The following NUTM2D variants were observed in gnomAD, a reference collection of about 807,000 sequenced individuals.
NUTM2D encodes the protein NUT family member 2D.
In NUTM2D, 2 loss-of-function variants were observed where a neutral mutation model predicts 43.5. That is an observed-to-expected ratio of 0.05 (90% CI 0.02 to 0.14). The LOEUF (loss-of-function observed/expected upper bound fraction) is 0.14. Among genes scored for constraint, NUTM2D ranks in the 10% least tolerant of loss-of-function variants. The pLI is 1.00. For synonymous variants in NUTM2D, 24 were observed against 276.6 expected, an observed-to-expected ratio of 0.09 and a Z score of 9.06; for missense variants, 48 against 668.7, an observed-to-expected ratio of 0.07 and a Z score of 10.24.
intron 1 of NUTM2D, among the ~76,000 whole-genome samples, 183 bp downstream of exon 1, chr10:87,358,614 A>AG (rs1850240832): frequency 2.0e-5 from 3 of 148,878 alleles, no homozygotes; most frequent in Admixed American, 2.0e-4. Flanking sequence ...GTGTTTAGGG[A>AG]GGACGGCCCC....
rs1316857905 is a variant in NUTM2D at position 87,358,161 on chromosome 10, G to A, written c.-105G>A. On this transcript the variant is annotated 5_prime_UTR_variant, in exon 1 of 7. Coordinates refer to ENST00000381697, the MANE Select transcript of NUTM2D (RefSeq NM_001382304.1). ...CTCTGCTGCTGCCTTCCAGTTGGAA[G>A]GGAAACTCAGGTTCTTGCCTAATGG... The A allele has an allele frequency of 6.2e-7, 1 of 1,611,790 alleles. No homozygotes were observed. Among genetic ancestry groups the A allele is most frequent in the Non-Finnish European group, 8.5e-7 (1 of 1,179,770 alleles).
chr10:87,367,309 G>T (rs1850311111), downstream of NUTM2D: 5 of 1,609,290 alleles, frequency 3.1e-6, no homozygotes, highest in South Asian at 4.4e-5. Flanking sequence ...ACAGAGGCCG[G>T]CCCCACTCTT....
rs1486474774 is a variant in NUTM2D, at chr10:87,361,297, G to T, written c.866+117G>T. 2 of 370,972 alleles carry T rather than the reference G, an allele frequency of 5.4e-6. 1 individual carries two copies. The highest frequency in any genetic ancestry group is 9.3e-6 in the Non-Finnish European group (2 of 214,754). 23.0% of individuals were successfully genotyped at this position (370,972 alleles called of 1,614,324 possible). Reference sequence around the variant, plus strand: ...TGCAGGGCGGTTGTGAGGGTGATGGGCTGCACTATGGGAAGGTACATTTTC... The same window carrying T: ...TGCAGGGCGGTTGTGAGGGTGATGGTCTGCACTATGGGAAGGTACATTTTC... On this transcript the variant is annotated intron_variant, in intron 2 of 6. Coordinates refer to ENST00000381697, the MANE Select transcript of NUTM2D (RefSeq NM_001382304.1).
chr10:87,360,687 G>A lies in NUTM2D; in HGVS notation c.373G>A (p.Gly125Arg), dbSNP rs1850254686. The A allele has an allele frequency of 1.9e-6, 1 of 534,544 alleles. No individual in the cohort carries two copies. Among genetic ancestry groups the A allele is most frequent in the African/African-American group, 3.2e-5 (1 of 30,996 alleles). 33.1% of individuals were successfully genotyped at this position (534,544 alleles called of 1,614,324 possible). ...AGAACAGGATGGCTGCGGCCCGAGT[G>A]GGGCCGGGGCTTCCAACGTCTTTGT... is the stretch of plus-strand genomic sequence containing the variant. ...VTEQDGCGPS[G>R]AGASNVFVQM... The change falls in exon 2 of 7, where the codon GGG becomes AGG. Residue 125 changes from glycine (G) to arginine (R), a missense_variant. Coordinates refer to ENST00000381697, the MANE Select transcript of NUTM2D (RefSeq NM_001382304.1).
rs1850282312 is a variant in NUTM2D at position 87,365,152 on chromosome 10, C to T, written c.1467C>T (p.Gly489=). Residue 489 remains glycine, a synonymous_variant, in exon 5 of 7, where the codon GGC becomes GGT. Coordinates refer to ENST00000381697, the MANE Select transcript of NUTM2D (RefSeq NM_001382304.1). ...AGGACTGGACGCCCCCAGACCCGGG[C>T]CTCCTGAGCTACACTGACAAGCTGT... ...QEEDWTPPDP[G]LLSYTDKLCS... The T allele has an allele frequency of 8.0e-7, 1 of 1,256,454 alleles. No individual in the cohort carries two copies. The highest frequency in any genetic ancestry group is 1.6e-5 in the African/African-American group (1 of 61,342). 77.8% of individuals were successfully genotyped at this position (1,256,454 alleles called of 1,614,324 possible).
At chr10:87,370,439 G>A (rs372682349), downstream of NUTM2D, 5 of 152,122 alleles carry the variant, frequency 3.3e-5, no homozygotes, top group East Asian at 1.9e-4. Context: ...GGGTCCCAGC[G>A]TCTCTCCATA....
downstream of NUTM2D, chr10:87,369,563 G>A (rs1242440546): frequency 6.6e-6 from 1 of 152,074 alleles, no homozygotes; most frequent in African/African-American, 2.4e-5. Context: ...TCAGAGCCAC[G>A]GGAAAGAAAG....
downstream of NUTM2D, chr10:87,370,032 C>T (rs1850340398): frequency 6.6e-6 from 1 of 152,188 alleles, no homozygotes; most frequent in Admixed American, 6.5e-5. Flanking sequence ...TTCAGCGTTG[C>T]ATGATGCCCT....
chr10:87,370,565 T>C (rs1206003561), downstream of NUTM2D: 5 of 152,224 alleles, frequency 3.3e-5, no homozygotes, highest in Non-Finnish European at 5.9e-5. Context: ...CTCTTTCACG[T>C]ACCTATTCGC....
At chr10:87,367,307 C>G (rs61858525), downstream of NUTM2D, 2 of 1,604,172 alleles carry the variant, frequency 1.2e-6, no homozygotes, top group South Asian at 1.1e-5. Flanking sequence ...CCACAGAGGC[C>G]GGCCCCACTC....
downstream of NUTM2D, chr10:87,369,505 C>G (rs534336605): frequency 1.3e-5 from 2 of 151,482 alleles, no homozygotes; most frequent in African/African-American, 4.9e-5. Flanking sequence ...AGGACAAAGT[C>G]CATAATCTCA....
At chr10:87,367,361 G>C, downstream of NUTM2D, 5 of 1,606,830 alleles carry the variant, frequency 3.1e-6, no homozygotes, top group Non-Finnish European at 4.3e-6. Context: ...TCCAGGGACT[G>C]ACAGATGCTG....
intron 5 of NUTM2D, 40 bp downstream of exon 5, chr10:87,365,243 G>T (rs1217974513): frequency 1.3e-6 from 2 of 1,494,630 alleles, no homozygotes; most frequent in African/African-American, 2.8e-5. Flanking sequence ...TGGATTCCAG[G>T]GGGTGGCACT....
chr10:87,365,431 G>A (rs1234803257), intron 5 of NUTM2D, among the ~76,000 whole-genome samples: 2 of 143,792 alleles, frequency 1.4e-5, no homozygotes, highest in East Asian at 2.2e-4. Flanking sequence ...GAGTGTGTAC[G>A]TTACCTGTGT....
intron 1 of NUTM2D, among the ~76,000 whole-genome samples, chr10:87,359,888 T>C (rs1230793000): frequency 9.9e-5 from 15 of 152,266 alleles, no homozygotes; most frequent in African/African-American, 3.1e-4. Context: ...ACTTGCATGC[T>C]GGGCATGACA....
chr10:87,362,893 A>G (rs3011750), intron 2 of NUTM2D, among the ~76,000 whole-genome samples: 2 of 151,912 alleles, frequency 1.3e-5, no homozygotes, highest in Non-Finnish European at 2.9e-5. Flanking sequence ...TGTTCCACCC[A>G]TAGTACTGAG....
At chr10:87,369,477 G>A (rs1285162593), downstream of NUTM2D, 151 of 150,382 alleles carry the variant, frequency 1.0e-3, 1 homozygote, top group African/African-American at 3.5e-3. Flanking sequence ...CCCTTTGTCC[G>A]AGCAGCCCTA....
At chr10:87,359,882 G>A (rs1850247932) in intron 1 of NUTM2D, among the ~76,000 whole-genome samples, 1 of 152,264 alleles carries the variant, frequency 6.6e-6, no homozygotes, top group African/African-American at 2.4e-5. Context: ...ACAATCACTT[G>A]CATGCTGGGC....
intron 5 of NUTM2D, among the ~76,000 whole-genome samples, chr10:87,365,471 CTGTT>C (rs1384882981): frequency 8.3e-6 from 1 of 121,160 alleles, no homozygotes; most frequent in Non-Finnish European, 1.7e-5. Context: ...ATATGTGGGT[CTGTT>C]TGTGTGTCTG....
Sources: allele counts gnomAD v4.1 joint callset (sites outside exome capture counted in the v4.1 genomes callset), GRCh38; gene constraint gnomAD v4.1.1; transcripts MANE v1.5; gene names NCBI Gene and HGNC (gene_info 2026-07-23, HGNC 2026-07-21).